The following SAMD12 variants were observed in gnomAD, a reference collection of about 807,000 sequenced individuals.
SAMD12 encodes sterile alpha motif domain containing 12, also known as sterile alpha motif domain-containing protein 12.
Under a neutral mutation model 15.0 loss-of-function variants are expected in SAMD12, and 9 were observed. The observed-to-expected ratio is 0.60, with a 90% CI of 0.36 to 1.05. SAMD12 has a LOEUF of 1.05. Among genes scored for constraint, SAMD12 ranks in the 50% least tolerant of loss-of-function variants. The probability of loss-of-function intolerance (pLI) is 0.01; values close to 1 mark genes in which losing one functional copy is unlikely to be tolerated. For missense variants in SAMD12, 230 were observed against 234.2 expected, an observed-to-expected ratio of 0.98 and a Z score of 0.12; for synonymous variants, 86 against 90.1, an observed-to-expected ratio of 0.96 and a Z score of 0.25.
intron 2 of SAMD12, among the ~76,000 whole-genome samples, chr8:118,536,443 A>ACACACACAC (rs1825845940): frequency 4.3e-5 from 6 of 140,778 alleles, no homozygotes; most frequent in African/African-American, 8.2e-5. Flanking sequence ...CTGATACACA[A>ACACACACAC]ACACACACAC....
chr8:118,192,459 G>GTGA (rs1234835975), exon 5 of SAMD12: 1 of 152,182 alleles, frequency 6.6e-6, no homozygotes, highest in African/African-American at 2.4e-5. Flanking sequence ...AGTATCTCCA[G>GTGA]TGATGGATTA....
intron 3 of SAMD12, among the ~76,000 whole-genome samples, chr8:118,420,275 G>A (rs373265494): frequency 6.6e-6 from 1 of 152,212 alleles, no homozygotes; most frequent in Non-Finnish European, 1.5e-5. Context: ...TGTTTTGCAT[G>A]TGCCTCTGTG....
chr8:118,282,232 A>G (rs1813683644), intron 4 of SAMD12: 2 of 455,112 alleles, frequency 4.4e-6, no homozygotes, highest in Admixed American at 4.7e-5. Flanking sequence ...CAGCTATACC[A>G]TATATCTAAG....
chr8:118,172,131 G>A, the SAMD12 span, among the ~76,000 whole-genome samples: 1 of 152,188 alleles, frequency 6.6e-6, no homozygotes, highest in African/African-American at 2.4e-5. Context: ...GGGAGGGATA[G>A]CATTAGGAGA....
At chr8:118,393,019 G>GT (rs1820366225) in intron 3 of SAMD12, among the ~76,000 whole-genome samples, 1 of 152,122 alleles carries the variant, frequency 6.6e-6, no homozygotes, top group Non-Finnish European at 1.5e-5. Flanking sequence ...TAGGACTCAG[G>GT]TTGCTGAGGA....
chr8:118,541,009 A>G (rs76180561), intron 2 of SAMD12, among the ~76,000 whole-genome samples: 2,647 of 152,340 alleles, frequency 0.017, 42 homozygotes, highest in Middle Eastern at 0.051. Flanking sequence ...TTAAATCTCA[A>G]CTGGCAGAAT....
Position 118,313,032 on chromosome 8 carries a change from A to G in SAMD12, c.433+66528T>C, listed in dbSNP as rs1815707534. On this transcript the variant is annotated intron_variant, in intron 4 of 4. Transcript: ENST00000409003. ...AGAAAAACTGAGAATTTGCATCCAC[A>G]AAGAGGAGATTATATTACATAGGTC... Among the ~76,000 whole-genome samples, 3 of 152,194 alleles carry G rather than the reference A, an allele frequency of 2.0e-5. No homozygotes were observed. In the South Asian group the frequency reaches 6.2e-4, roughly 32 times the overall value.
intron 1 of SAMD12, among the ~76,000 whole-genome samples, chr8:118,602,418 TA>T (rs889980672): frequency 2.0e-4 from 31 of 152,102 alleles, no homozygotes; most frequent in African/African-American, 6.8e-4. Context: ...AACACAATTT[TA>T]AAAAAACTAC....
chr8:118,552,854 T>C (rs1161985145), intron 2 of SAMD12, among the ~76,000 whole-genome samples: 2 of 151,782 alleles, frequency 1.3e-5, no homozygotes, highest in Non-Finnish European at 2.9e-5. Context: ...AAAATCAATG[T>C]ACAAAAATCA....
chr8:118,350,769 A>C (rs564351084), intron 4 of SAMD12, among the ~76,000 whole-genome samples: 1 of 152,324 alleles, frequency 6.6e-6, no homozygotes, highest in African/African-American at 2.4e-5. Context: ...TTCAAAACAG[A>C]TATTCTCATG....
At chr8:118,397,297 G>T (rs866699752) in intron 3 of SAMD12, among the ~76,000 whole-genome samples, 1 of 152,130 alleles carries the variant, frequency 6.6e-6, no homozygotes, top group African/African-American at 2.4e-5. Context: ...GGGTAGATCA[G>T]TGAGATGAAC....
intron 2 of SAMD12, among the ~76,000 whole-genome samples, chr8:118,455,684 CAG>C (rs1210380624): frequency 2.0e-5 from 3 of 152,190 alleles, no homozygotes; most frequent in African/African-American, 7.2e-5. Flanking sequence ...GTCCAACAAA[CAG>C]AACTTTCAAA....
chr8:118,515,185 A>ATTTCT (rs71569770), intron 2 of SAMD12, among the ~76,000 whole-genome samples: 1 of 103,314 alleles, frequency 9.7e-6, no homozygotes, highest in Non-Finnish European at 1.8e-5. Flanking sequence ...CGCCCAGCTA[A>ATTTCT]TTTTTTTTTT....
chr8:118,263,978 C>T (rs1586398459), intron 4 of SAMD12, among the ~76,000 whole-genome samples: 1 of 152,108 alleles, frequency 6.6e-6, no homozygotes, highest in Non-Finnish European at 1.5e-5. Context: ...TCCTTTACTT[C>T]GTGAAAGCAT....
intron 4 of SAMD12, among the ~76,000 whole-genome samples, chr8:118,366,833 A>AAATAAAATAT (rs1818802893): frequency 1.1e-5 from 1 of 93,960 alleles, no homozygotes; most frequent in Non-Finnish European, 2.0e-5. Context: ...AAATAAAATA[A>AAATAAAATAT]AATAAAATAA....
At chr8:118,503,126 T>C (rs552876769) in intron 2 of SAMD12, among the ~76,000 whole-genome samples, 1 of 152,318 alleles carries the variant, frequency 6.6e-6, no homozygotes, top group African/African-American at 2.4e-5. Flanking sequence ...CTTTTAATGA[T>C]GAAAAAATTA....
At chr8:118,523,043 C>A (rs545479269) in intron 2 of SAMD12, among the ~76,000 whole-genome samples, 1 of 152,256 alleles carries the variant, frequency 6.6e-6, no homozygotes, top group East Asian at 1.9e-4. Context: ...ACAAAATGTA[C>A]TTTTTAGATA....
chr8:118,504,103 C>T (rs1036647829), intron 2 of SAMD12, among the ~76,000 whole-genome samples: 19 of 152,134 alleles, frequency 1.2e-4, no homozygotes, highest in African/African-American at 4.1e-4. Flanking sequence ...TCCCTCTTTT[C>T]CTGTCAGCAT....
intron 4 of SAMD12, among the ~76,000 whole-genome samples, chr8:118,244,022 G>A (rs1394421549): frequency 6.6e-6 from 1 of 152,002 alleles, no homozygotes; most frequent in African/African-American, 2.4e-5. Flanking sequence ...TCAGAGTTAA[G>A]GGAACCCTGA....
Sources: gnomAD v4.1 joint callset for allele counts (sites outside exome capture counted in the v4.1 genomes callset) on GRCh38, gnomAD v4.1.1 for gene constraint, MANE v1.5 for transcripts, NCBI Gene and HGNC (gene_info 2026-07-23, HGNC 2026-07-21) for gene names.